EYS: variants seen among roughly 807,000 people sequenced by gnomAD.
EYS encodes protein eyes shut homolog.
A neutral mutation model predicts 282.1 loss-of-function variants in EYS; 250 were observed. The observed-to-expected ratio is 0.89, with a 90% CI of 0.80 to 0.98. EYS has a LOEUF of 0.98. Ranked by LOEUF, EYS falls within the 50% of genes least tolerant of loss-of-function variation. EYS has a pLI of 0.00. For missense variants in EYS, 4,016 were observed against 3,709.0 expected (o/e 1.08, Z -2.15); for synonymous variants, 1,355 against 1,282.9 (o/e 1.06, Z -1.20).
At position 64,439,147 on chromosome 6, in the gene EYS, A is replaced by C; in HGVS notation, c.5835+15T>G. The C allele has an allele frequency of 2.3e-6, 3 of 1,330,822 alleles. No homozygotes were observed. Among genetic ancestry groups the C allele is most frequent in the Non-Finnish European group, 2.0e-6 (2 of 999,390 alleles). 82.4% of individuals were successfully genotyped at this position (1,330,822 alleles called of 1,614,324 possible). A position where few individuals can be genotyped will look rare whatever the true frequency, so the allele number is the denominator to read the frequency against. ...TTTGTAATTTTTAAAAAATTAAATGAACTGAATAACTTACCTTTAAAGTAC... is the reference window on the plus strand; with the variant it reads ...TTTGTAATTTTTAAAAAATTAAATGCACTGAATAACTTACCTTTAAAGTAC... On this transcript the variant is annotated intron_variant, in intron 27 of 42. Transcript: ENST00000503581.
chr6:64,742,023 A>T (rs2149961771), intron 22 of EYS, among the ~76,000 whole-genome samples: 1 of 152,272 alleles, frequency 6.6e-6, no homozygotes, highest in South Asian at 2.1e-4. Flanking sequence ...TTGGTGCAAG[A>T]GGCCCAGATT....
rs376761760 is a variant in EYS, at chr6:63,982,270, C to T, written c.7055+2113G>A. On this transcript the variant is annotated intron_variant, in intron 35 of 42. Coordinates refer to ENST00000503581, the MANE Select transcript of EYS (RefSeq NM_001142800.2). ...TTAGCACCTTAAAAGAACATACTAACAGTTAACTCACAGTTTCCATGAGCC... is the reference window on the plus strand; with the variant it reads ...TTAGCACCTTAAAAGAACATACTAATAGTTAACTCACAGTTTCCATGAGCC... Among the ~76,000 whole-genome samples, 4 of 151,774 alleles carry T rather than the reference C, an allele frequency of 2.6e-5. No individual in the cohort carries two copies. In the East Asian group the frequency reaches 7.8e-4, roughly 29 times the overall value.
intron 34 of EYS, among the ~76,000 whole-genome samples, chr6:63,996,703 C>T (rs752917106): frequency 6.6e-5 from 10 of 152,040 alleles, no homozygotes; most frequent in East Asian, 1.9e-4. Flanking sequence ...AACTCATCCT[C>T]GTGCTTTATT....
chr6:64,070,547 G>A (rs1771536577), intron 32 of EYS, among the ~76,000 whole-genome samples: 1 of 151,966 alleles, frequency 6.6e-6, no homozygotes, highest in South Asian at 2.1e-4. Context: ...GAAAATAGCT[G>A]CCAAATAGTC....
chr6:63,795,634 A>T (rs1770627379), intron 37 of EYS, among the ~76,000 whole-genome samples: 1 of 152,078 alleles, frequency 6.6e-6, no homozygotes, highest in African/African-American at 2.4e-5. Context: ...TGCTTGCAGG[A>T]TTTTTCCGTA....
chr6:65,340,448 C>CA, intron 10 of EYS, among the ~76,000 whole-genome samples: 1 of 151,156 alleles, frequency 6.6e-6, no homozygotes, highest in South Asian at 2.1e-4. Context: ...TCATAAGTTT[C>CA]AAAATACTGA....
At chr6:63,755,367 A>C (rs4710438) in intron 41 of EYS, among the ~76,000 whole-genome samples, 78,036 of 151,982 alleles carry the variant, frequency 0.51, 21,986 homozygotes, top group African/African-American at 0.75. Flanking sequence ...GTTTTCCCAG[A>C]ACCATTTATT....
intron 8 of EYS, among the ~76,000 whole-genome samples, chr6:65,353,912 C>T (rs1209012149): frequency 6.6e-6 from 1 of 151,996 alleles, no homozygotes; most frequent in East Asian, 1.9e-4. Context: ...TTTCCCCTCA[C>T]AAATTTAAAA....
Position 65,080,339 on chromosome 6 carries a change from T to C in EYS, c.2024-22612A>G, listed in dbSNP as rs566883341. ...AGTAACAATAACATAATTGTTTTCC[T>C]GGCCATGTAGGAGTTTGGCTGAAGT... is the stretch of plus-strand genomic sequence containing the variant. On this transcript the variant is annotated intron_variant, in intron 12 of 42. Coordinates refer to ENST00000503581, the MANE Select transcript of EYS (RefSeq NM_001142800.2). 5.3e-5 allele frequency among the ~76,000 whole-genome samples: 8 copies of C among 152,288 alleles called. No homozygotes were observed. In the South Asian group the frequency reaches 1.7e-3, roughly 32 times the overall value.
chr6:64,262,256 ACTAATTTCATTTG>A (rs1246776151), intron 30 of EYS, among the ~76,000 whole-genome samples: 1 of 151,906 alleles, frequency 6.6e-6, no homozygotes, highest in Admixed American at 6.6e-5. Context: ...CACAGAGGAG[ACTAATTTCATTTG>A]CTAGTTTTGG....
intron 26 of EYS, among the ~76,000 whole-genome samples, chr6:64,531,133 A>G (rs1032113725): frequency 6.6e-6 from 1 of 152,212 alleles, no homozygotes; most frequent in African/African-American, 2.4e-5. Context: ...CATGAGACAG[A>G]TCTCATATTT....
At chr6:63,956,801 G>C (rs887414381) in intron 35 of EYS, among the ~76,000 whole-genome samples, 11 of 152,106 alleles carry the variant, frequency 7.2e-5, no homozygotes, top group African/African-American at 2.4e-4. Flanking sequence ...AAGTTAGCCA[G>C]CACTTGCCAA....
chr6:64,094,265 C>T (rs1772492977), intron 31 of EYS, among the ~76,000 whole-genome samples: 1 of 152,032 alleles, frequency 6.6e-6, no homozygotes, highest in Non-Finnish European at 1.5e-5. Context: ...TGATGCTGGC[C>T]TTATAAAACA....
chr6:64,366,358 A>G (rs1010696779), intron 29 of EYS, among the ~76,000 whole-genome samples: 5 of 152,026 alleles, frequency 3.3e-5, no homozygotes, highest in African/African-American at 4.8e-5. Context: ...TACAATAAAA[A>G]TGTCAAGCTA....
chr6:64,785,207 T>C (rs1445202400), intron 22 of EYS, among the ~76,000 whole-genome samples: 1 of 152,214 alleles, frequency 6.6e-6, no homozygotes, highest in Non-Finnish European at 1.5e-5. Context: ...ATACAATCTA[T>C]CTTTAATTTC....
At chr6:65,475,871 C>T (rs190921488) in intron 5 of EYS, among the ~76,000 whole-genome samples, 1 of 151,858 alleles carries the variant, frequency 6.6e-6, no homozygotes, top group Admixed American at 6.6e-5. Context: ...TTTTTAAAAT[C>T]TTAGACTCAG....
intron 29 of EYS, among the ~76,000 whole-genome samples, chr6:64,341,646 T>C (rs371408036): frequency 6.6e-6 from 1 of 151,712 alleles, no homozygotes; most frequent in East Asian, 1.9e-4. Flanking sequence ...AATTCTCACA[T>C]TTACCCCCTC....
In EYS at chr6:64,323,071, T is replaced by A. The variant is rs575597938; in HGVS notation, c.6079-15989A>T. ...TGAGGTAAACTTCACATATCATATATAATTTATCTATTTAAAAATACAATT... is the reference window on the plus strand; with the variant it reads ...TGAGGTAAACTTCACATATCATATAAAATTTATCTATTTAAAAATACAATT... On this transcript the variant is annotated intron_variant, in intron 29 of 42. Coordinates refer to ENST00000503581, the MANE Select transcript of EYS (RefSeq NM_001142800.2). Among the ~76,000 whole-genome samples, 31 of 152,250 alleles carry A rather than the reference T, an allele frequency of 2.0e-4. No homozygotes were observed. The East Asian group carries it at 5.0e-3, about 25-fold the overall frequency.
At chr6:65,121,592 G>A (rs1775551921) in intron 12 of EYS, among the ~76,000 whole-genome samples, 1 of 152,126 alleles carries the variant, frequency 6.6e-6, no homozygotes, top group African/African-American at 2.4e-5. Context: ...ATATTTTGGG[G>A]GGAGTGAGTG....
Sources: allele counts gnomAD v4.1 joint callset (sites outside exome capture counted in the v4.1 genomes callset), GRCh38; gene constraint gnomAD v4.1.1; transcripts MANE v1.5; gene names NCBI Gene and HGNC (gene_info 2026-07-23, HGNC 2026-07-21).